The following ACCSL variants were observed in gnomAD, a reference collection of about 807,000 sequenced individuals.
The protein encoded by ACCSL is probable inactive 1-aminocyclopropane-1-carboxylate synthase-like protein 2.
In ACCSL, 55 loss-of-function variants were observed where a neutral mutation model predicts 61.7. The ratio of observed to expected loss-of-function variants is 0.89; its 90% CI spans 0.72 to 1.12. The LOEUF is 1.12. ACCSL is among the 50% of genes most tolerant of loss of function. The pLI is 0.00. For missense variants in ACCSL, 632 were observed against 698.0 expected (o/e 0.91, Z 1.07); for synonymous variants, 258 against 264.3 (o/e 0.98, Z 0.23).
At chr11:44,054,447 C>CTTTTTTTTTTTTTTTTTTTTTT (rs67313576) in intron 8 of ACCSL, among the ~76,000 whole-genome samples, 2 of 138,420 alleles carry the variant, frequency 1.4e-5, no homozygotes, top group Non-Finnish European at 1.6e-5. Flanking sequence ...TTCTTTCTTT[C>CTTTTTTTTTTTTTTTTTTTTTT]TTTTTTTTTT....
chr11:44,010,591 T>C, the ACCSL span, among the ~76,000 whole-genome samples: 1 of 152,194 alleles, frequency 6.6e-6, no homozygotes, highest in South Asian at 2.1e-4. Context: ...TTCTGCTAAG[T>C]GGTTTTGCTA....
the ACCSL span, among the ~76,000 whole-genome samples, chr11:43,989,875 A>G: frequency 6.6e-6 from 1 of 152,232 alleles, no homozygotes; most frequent in African/African-American, 2.4e-5. Flanking sequence ...GCAGAGAGAA[A>G]GGGCCACCCA....
the ACCSL span, among the ~76,000 whole-genome samples, chr11:44,024,385 C>A: frequency 2.6e-5 from 4 of 151,838 alleles, no homozygotes; most frequent in South Asian, 8.4e-4. Context: ...AAGCCAGCTC[C>A]TCATAATAAA....
At chr11:44,003,308 C>T in the ACCSL span, among the ~76,000 whole-genome samples, 1 of 152,172 alleles carries the variant, frequency 6.6e-6, no homozygotes, top group African/African-American at 2.4e-5. Context: ...ATGCACATAA[C>T]ATAAAGTTTA....
the ACCSL span, among the ~76,000 whole-genome samples, chr11:44,006,715 G>A: frequency 3.3e-5 from 5 of 151,774 alleles, no homozygotes; most frequent in Non-Finnish European, 7.4e-5. Context: ...ATGTTGGCCC[G>A]GCTGGTCTCG....
the ACCSL span, among the ~76,000 whole-genome samples, chr11:43,999,763 G>A: frequency 0.86 from 130,511 of 152,126 alleles, 56,095 homozygotes; most frequent in African/African-American, 0.91. Context: ...TGGCAGCCAC[G>A]GTCTTTCAAT....
rs1184143849 is a variant in ACCSL at position 44,058,467 on chromosome 11, C to G, written c.1470+8C>G. On this transcript the variant is annotated splice_region_variant and intron_variant, in intron 12 of 13. Transcript: ENST00000378832. ...TGGATCAACTTGAAAAAGGTGTGTTCTGGGAATGAGGACAGGTGTTCTTGG... is the reference window on the plus strand; with the variant it reads ...TGGATCAACTTGAAAAAGGTGTGTTGTGGGAATGAGGACAGGTGTTCTTGG... 2 of 1,614,026 alleles carry G rather than the reference C, an allele frequency of 1.2e-6. No individual in the cohort carries two copies. Among genetic ancestry groups the G allele is most frequent in the African/African-American group, 1.3e-5 (1 of 74,912 alleles).
At chr11:43,933,062 C>T in the ACCSL span, 2 of 455,760 alleles carry the variant, frequency 4.4e-6, no homozygotes, top group Non-Finnish European at 8.8e-6. Flanking sequence ...GTTTCTGGCT[C>T]CAGCTGCCCT....
chr11:44,053,340 C>A, intron 7 of ACCSL, 66 bp from the exon 8 acceptor site: 1 of 1,528,678 alleles, frequency 6.5e-7, no homozygotes, highest in South Asian at 1.1e-5. Flanking sequence ...ATAAAAGATC[C>A]TTGGCTGAAT....
chr11:44,049,178 G>A (rs1246202930), intron 1 of ACCSL, among the ~76,000 whole-genome samples: 1 of 152,128 alleles, frequency 6.6e-6, no homozygotes, highest in Non-Finnish European at 1.5e-5. Context: ...CCAGCACTTT[G>A]GGAGGCCAAG....
the ACCSL span, among the ~76,000 whole-genome samples, chr11:44,007,332 C>T: frequency 3.3e-5 from 5 of 152,202 alleles, no homozygotes; most frequent in African/African-American, 4.8e-5. Context: ...CCCAGCCAGA[C>T]ATTCCAGAGC....
chr11:43,961,102 T>C, the ACCSL span, among the ~76,000 whole-genome samples: 1 of 152,246 alleles, frequency 6.6e-6, no homozygotes, highest in East Asian at 1.9e-4. Flanking sequence ...ATTACAGGCG[T>C]GAGCCACCGC....
chr11:44,050,671 C>T, intron 3 of ACCSL, 49 bp downstream of exon 3: 1 of 1,571,304 alleles, frequency 6.4e-7, no homozygotes, highest in East Asian at 2.2e-5. Context: ...GGCAGCTGTC[C>T]TTATCCAGAA....
chr11:43,933,020 C>T, the ACCSL span: 1 of 453,664 alleles, frequency 2.2e-6, no homozygotes, highest in African/African-American at 2.0e-5. Context: ...CTTGGTACTA[C>T]CTGGGAAAAC....
At chr11:44,013,478 A>AG in the ACCSL span, among the ~76,000 whole-genome samples, 11 of 149,610 alleles carry the variant, frequency 7.4e-5, no homozygotes, top group African/African-American at 2.0e-4. Context: ...TGGGGGGTGG[A>AG]GGGGGGCGCT....
chr11:44,034,485 C>T, the ACCSL span, among the ~76,000 whole-genome samples: 1 of 152,190 alleles, frequency 6.6e-6, no homozygotes, highest in Admixed American at 6.5e-5. Context: ...TTAATGGACT[C>T]ACAGTTCCAC....
chr11:43,943,336 C>A, the ACCSL span: 2 of 1,409,928 alleles, frequency 1.4e-6, no homozygotes, highest in Non-Finnish European at 1.8e-6. The surrounding 1 kb of genome is among the most constrained non-coding windows in gnomAD (Gnocchi z 4.8). Context: ...GCGTGTGAAC[C>A]CCGAGAGTGC....
chr11:44,002,805 T>C, the ACCSL span, among the ~76,000 whole-genome samples: 3 of 152,088 alleles, frequency 2.0e-5, no homozygotes, highest in Admixed American at 2.0e-4. Flanking sequence ...TTTTTTGTTG[T>C]GGAGGTTAAA....
the ACCSL span, among the ~76,000 whole-genome samples, chr11:43,955,691 T>C: frequency 1.3e-5 from 2 of 152,036 alleles, no homozygotes; most frequent in Non-Finnish European, 2.9e-5. Flanking sequence ...TGAAAAGACA[T>C]CTCAAAAGGC....
Sources: allele counts gnomAD v4.1 joint callset (sites outside exome capture counted in the v4.1 genomes callset), GRCh38; gene constraint gnomAD v4.1.1; non-coding constraint Gnocchi (gnomAD v3.1); transcripts MANE v1.5; gene names NCBI Gene and HGNC (gene_info 2026-07-23, HGNC 2026-07-21).